Variants in TTC8 observed in about 807,000 individuals in gnomAD.
TTC8 encodes the protein tetratricopeptide repeat protein 8.
Under a neutral mutation model 72.5 loss-of-function variants are expected in TTC8, and 47 were observed. That is an observed-to-expected ratio of 0.65 (90% confidence interval 0.51 to 0.83). The LOEUF (loss-of-function observed/expected upper bound fraction) is 0.83. Among genes scored for constraint, TTC8 ranks in the 40% least tolerant of loss-of-function variants. The probability of loss-of-function intolerance (pLI) is 0.00; values close to 1 mark genes in which losing one functional copy is unlikely to be tolerated. For missense variants in TTC8, 611 were observed against 623.2 expected, an observed-to-expected ratio of 0.98 and a Z score of 0.21; for synonymous variants, 199 against 221.4, an observed-to-expected ratio of 0.90 and a Z score of 0.90.
At chr14:88,840,261 T>TA (rs968412030) in intron 3 of TTC8, 147 of 152,702 alleles carry the variant, frequency 9.6e-4, no homozygotes, top group South Asian at 2.4e-3. Flanking sequence ...TGACTAGCCT[T>TA]AAAAAAAAAA....
chr14:88,875,200 C>T (rs544715557), intron 14 of TTC8, 91 bp downstream of exon 14: 5 of 1,071,020 alleles, frequency 4.7e-6, no homozygotes, highest in South Asian at 2.8e-5. Flanking sequence ...AAATTCTAAC[C>T]TCATCTTCCT....
At chr14:88,825,756 C>T (rs1044435940) in intron 1 of TTC8, among the ~76,000 whole-genome samples, 2 of 152,084 alleles carry the variant, frequency 1.3e-5, no homozygotes, top group Non-Finnish European at 2.9e-5. Flanking sequence ...AAAGCGGAGG[C>T]CTGAGTGTGA....
At chr14:88,854,708 T>A (rs1037479244) in intron 8 of TTC8, among the ~76,000 whole-genome samples, 17 of 152,312 alleles carry the variant, frequency 1.1e-4, no homozygotes, top group African/African-American at 4.1e-4. Context: ...TTTTTAGAGA[T>A]GGGATCTTGC....
chr14:88,852,299 C>T (rs951073662), intron 7 of TTC8, among the ~76,000 whole-genome samples: 2 of 151,954 alleles, frequency 1.3e-5, no homozygotes, highest in South Asian at 2.1e-4. Flanking sequence ...GGAACAAACT[C>T]GAGGGTATTA....
Position 88,877,632 on chromosome 14 carries a change from T to C in TTC8, c.*222T>C. The C allele has an allele frequency of 2.5e-6, 1 of 394,176 alleles. No homozygotes were observed. The highest frequency in any genetic ancestry group is 4.6e-6 in the Non-Finnish European group (1 of 219,146). 24.4% of individuals were successfully genotyped at this position (394,176 alleles called of 1,614,324 possible). A position where few individuals can be genotyped will look rare whatever the true frequency, so the allele number is the denominator to read the frequency against. On this transcript the variant is annotated 3_prime_UTR_variant, in exon 15 of 15. Coordinates refer to ENST00000380656, the MANE Select transcript of TTC8 (RefSeq NM_144596.4). The stretch of plus-strand genomic sequence containing the variant: ...TATTATAAAATACAGGATTTAAACC[T>C]TTCTAAATAGATCCTGAAACTGTCT...
chr14:88,850,320 A>T (rs2094827833), intron 7 of TTC8, among the ~76,000 whole-genome samples: 1 of 152,228 alleles, frequency 6.6e-6, no homozygotes, highest in African/African-American at 2.4e-5. Context: ...TTCTGTGCAC[A>T]GCAATATTCC....
chr14:88,842,732 T>G lies in TTC8; in HGVS notation c.580-1074T>G, dbSNP rs1434874957. ...TAGATTTTGTGCTTTTTTAGTGTGT[T>G]GTAGAAATAATGCCAGGTTTTTCTG... is the stretch of plus-strand genomic sequence containing the variant. On this transcript the variant is annotated intron_variant, in intron 6 of 14. Coordinates refer to ENST00000380656, the MANE Select transcript of TTC8 (RefSeq NM_144596.4). Among the ~76,000 whole-genome samples the G allele has an allele frequency of 2.0e-5, 3 of 152,160 alleles. No homozygotes were observed. In the South Asian group the frequency reaches 6.2e-4, roughly 32 times the overall value.
At chr14:88,841,703 A>C in intron 6 of TTC8, 189 bp downstream of exon 6, 1 of 620,918 alleles carries the variant, frequency 1.6e-6, no homozygotes, top group Non-Finnish European at 2.8e-6. Flanking sequence ...GAAATAAAGT[A>C]CATATACCAT....
At chr14:88,849,080 C>G (rs547285078) in intron 7 of TTC8, among the ~76,000 whole-genome samples, 1 of 152,050 alleles carries the variant, frequency 6.6e-6, no homozygotes, top group East Asian at 1.9e-4. Context: ...CAAATTGTTC[C>G]TTTGTTTTCC....
intron 1 of TTC8, among the ~76,000 whole-genome samples, chr14:88,825,038 G>A (rs1328812024): frequency 6.6e-6 from 1 of 152,134 alleles, no homozygotes; most frequent in African/African-American, 2.4e-5. Flanking sequence ...TGCCATGACC[G>A]CCCCCTCCTC....
intron 2 of TTC8, among the ~76,000 whole-genome samples, chr14:88,838,219 CCA>C (rs1396527973): frequency 2.0e-5 from 3 of 152,164 alleles, no homozygotes; most frequent in African/African-American, 7.2e-5. Context: ...ATCTATAAAA[CCA>C]CACACTTGTC....
intron 6 of TTC8, among the ~76,000 whole-genome samples, chr14:88,842,767 C>T (rs2094787815): frequency 6.6e-6 from 1 of 152,102 alleles, no homozygotes; most frequent in Non-Finnish European, 1.5e-5. Context: ...GTCTTTGGCC[C>T]CCAGCTTGCC....
chr14:88,849,584 T>G lies in TTC8; in HGVS notation c.625-3387T>G, dbSNP rs893471900. ...TTTAAATATTAAGAAAGTATAAAAT[T>G]GATTGTCCATGGAAAACGATTTTTC... On this transcript the variant is annotated intron_variant, in intron 7 of 14. Transcript: ENST00000380656. Among the ~76,000 whole-genome samples the G allele has an allele frequency of 3.3e-5, 5 of 152,184 alleles. No individual in the cohort carries two copies. In the South Asian group the frequency reaches 6.2e-4, roughly 19 times the overall value.
intron 8 of TTC8, among the ~76,000 whole-genome samples, chr14:88,853,339 T>C (rs1216303903): frequency 6.6e-6 from 1 of 152,212 alleles, no homozygotes; most frequent in Non-Finnish European, 1.5e-5. Flanking sequence ...GTAATTTGCA[T>C]CAGGAGCTAG....
intron 2 of TTC8, among the ~76,000 whole-genome samples, chr14:88,838,063 TG>T (rs1423581256): frequency 6.6e-6 from 1 of 152,192 alleles, no homozygotes; most frequent in African/African-American, 2.4e-5. Context: ...ATTTTCACTT[TG>T]GGAACCTAAA....
At chr14:88,872,186 C>A in intron 12 of TTC8, 144 bp from the exon 13 acceptor site, 1 of 1,227,640 alleles carries the variant, frequency 8.1e-7, no homozygotes, top group Non-Finnish European at 1.2e-6. Context: ...TAGGTTAAAT[C>A]CACTTACGTA....
At chr14:88,837,102 G>C in intron 2 of TTC8, 1 of 233,794 alleles carries the variant, frequency 4.3e-6, no homozygotes, top group South Asian at 4.0e-5. Flanking sequence ...CTTGATTTAG[G>C]TAGGACTCCA....
At chr14:88,838,702 T>C (rs558029033) in intron 2 of TTC8, among the ~76,000 whole-genome samples, 9 of 152,330 alleles carry the variant, frequency 5.9e-5, no homozygotes, top group South Asian at 4.1e-4. Context: ...CATGTTTACA[T>C]TGAATTTTTC....
chr14:88,845,978 G>A (rs1470650681), intron 7 of TTC8, among the ~76,000 whole-genome samples: 1 of 151,838 alleles, frequency 6.6e-6, no homozygotes, highest in Non-Finnish European at 1.5e-5. Context: ...CGTGGGGGAG[G>A]ATGCTATTTT....
Sources: allele counts gnomAD v4.1 joint callset (sites outside exome capture counted in the v4.1 genomes callset), GRCh38; gene constraint gnomAD v4.1.1; transcripts MANE v1.5; gene names NCBI Gene and HGNC (gene_info 2026-07-23, HGNC 2026-07-21).